The following STK24 variants were observed in gnomAD, a reference collection of about 807,000 sequenced individuals.
STK24 encodes the protein serine/threonine kinase 24.
In STK24, 21 loss-of-function variants were observed where a neutral mutation model predicts 55.6. The observed-to-expected ratio is 0.38, with a 90% CI of 0.27 to 0.54. The LOEUF is 0.54. STK24 is among the 20% of genes least tolerant of loss of function. The probability of loss-of-function intolerance (pLI) is 0.79; values close to 1 mark genes in which losing one functional copy is unlikely to be tolerated. For synonymous variants in STK24, 200 were observed against 215.2 expected, an observed-to-expected ratio of 0.93 and a Z score of 0.62; for missense variants, 383 against 538.4, an observed-to-expected ratio of 0.71 and a Z score of 2.86.
At chr13:98,569,864 A>C (rs1304828900) in intron 1 of STK24, among the ~76,000 whole-genome samples, 1 of 147,240 alleles carries the variant, frequency 6.8e-6, no homozygotes, top group Non-Finnish European at 1.5e-5. Context: ...AAAAAAAAAA[A>C]ACACAGGCAG....
rs1340027222 is a variant in STK24 at position 98,474,801 on chromosome 13, C to T, written c.597+20G>A. On this transcript the variant is annotated intron_variant, in intron 5 of 10. Transcript: ENST00000539966. ...CTCCAGGCCTCGTGAGGCACGGCGCCGCCCTCACCCTCCCCTCACCTTCGA... is the reference window on the plus strand; with the variant it reads ...CTCCAGGCCTCGTGAGGCACGGCGCTGCCCTCACCCTCCCCTCACCTTCGA... 5 of 1,597,020 alleles carry T rather than the reference C, an allele frequency of 3.1e-6. No homozygotes were observed. The highest frequency in any genetic ancestry group is 1.3e-5 in the African/African-American group (1 of 74,464).
At chr13:98,507,845 G>C (rs1895749701) in intron 2 of STK24, among the ~76,000 whole-genome samples, 1 of 152,148 alleles carries the variant, frequency 6.6e-6, no homozygotes, top group African/African-American at 2.4e-5. Flanking sequence ...ACTAGGTCTT[G>C]TCTCTAGCTT....
chr13:98,573,865 T>C (rs1897804475), intron 1 of STK24, among the ~76,000 whole-genome samples: 1 of 152,096 alleles, frequency 6.6e-6, no homozygotes, highest in African/African-American at 2.4e-5. Context: ...TGGTATAATA[T>C]CATCTACATC....
Position 98,450,678 on chromosome 13 carries a change from G to C in STK24, c.*2495C>G, listed in dbSNP as rs1893145383. On this transcript the variant is annotated 3_prime_UTR_variant, in exon 11 of 11. Coordinates refer to ENST00000539966, the MANE Select transcript of STK24 (RefSeq NM_001032296.4). ...AGGAGCAGCTCAGGGCTGGCACTGA[G>C]AGGCTACTGGTGACAGTAAACCCGT... The C allele has an allele frequency of 6.6e-6, 1 of 152,268 alleles. No individual in the cohort carries two copies. The highest frequency in any genetic ancestry group is 2.1e-4 in the South Asian group (1 of 4,834). The allele number at this position is 152,268 out of a possible 1,614,324, so 9.4% of individuals were successfully genotyped here.
At position 98,466,484 on chromosome 13, in the gene STK24, C is replaced by T. The variant is rs1893930632; in HGVS notation, c.675G>A (p.Met225Ile). Residue 225 changes from methionine to isoleucine, a missense_variant, in exon 6 of 11, where the codon ATG becomes ATA. Physicochemically the swap from Met to Ile is conservative, Grantham distance 10 (BLOSUM62 1). Coordinates refer to ENST00000539966, the MANE Select transcript of STK24 (RefSeq NM_001032296.4). The part of the protein sequence containing the change: ...GEPPHSELHP[M>I]KVLFLIPKNN... The stretch of plus-strand genomic sequence containing the variant: ...TCTTTGGAATGAGGAATAAAACTTT[C>T]ATGGGGTGCAGCTCGGAATGAGGTG... 3.1e-6 allele frequency: 5 copies of T among 1,614,010 alleles called. No individual in the cohort carries two copies. The African/African-American group carries it at 5.3e-5, about 17-fold the overall frequency.
intron 2 of STK24, among the ~76,000 whole-genome samples, chr13:98,491,217 G>A (rs1211423190): frequency 2.6e-5 from 4 of 152,226 alleles, no homozygotes; most frequent in Non-Finnish European, 5.9e-5. Flanking sequence ...TGCGAGCAAT[G>A]CCTTCTCTGC....
rs1180571829 is a variant in STK24 at position 98,460,891 on chromosome 13, G to A, written c.1054-451C>T. 5.4e-5 allele frequency among the ~76,000 whole-genome samples: 8 copies of A among 148,386 alleles called. No homozygotes were observed. The East Asian group carries it at 1.2e-3, about 22-fold the overall frequency. ...CATGTTTCTATTAAAAAAAAAAAAA[G>A]TTTTAAATAAACTGGGCGTGATGTC... On this transcript the variant is annotated intron_variant, in intron 8 of 10. Transcript: ENST00000539966.
At chr13:98,545,582 C>A (rs1422003604) in intron 1 of STK24, among the ~76,000 whole-genome samples, 1 of 147,836 alleles carries the variant, frequency 6.8e-6, no homozygotes, top group Non-Finnish European at 1.5e-5. Context: ...TGCAGTGAGC[C>A]GAGATTACGC....
intron 6 of STK24, among the ~76,000 whole-genome samples, chr13:98,464,082 A>G (rs563055041): frequency 6.6e-6 from 1 of 152,162 alleles, no homozygotes; most frequent in Non-Finnish European, 1.5e-5. Context: ...ACATTTTCAC[A>G]GAAAACTCTG....
chr13:98,514,300 C>T (rs904036770), intron 2 of STK24, among the ~76,000 whole-genome samples: 5 of 152,290 alleles, frequency 3.3e-5, no homozygotes, highest in Admixed American at 6.5e-5. Flanking sequence ...TACTCTTTTC[C>T]CCAAGGATAA....
chr13:98,510,765 T>G (rs967651127), intron 2 of STK24, among the ~76,000 whole-genome samples: 5 of 152,196 alleles, frequency 3.3e-5, no homozygotes, highest in African/African-American at 1.2e-4. Context: ...AAATGGGAAG[T>G]GAATGATGAT....
chr13:98,546,246 T>G lies in STK24; in HGVS notation c.43-26773A>C, dbSNP rs1046794701. 5.3e-5 allele frequency among the ~76,000 whole-genome samples: 8 copies of G among 152,310 alleles called. No individual in the cohort carries two copies. In the East Asian group the frequency reaches 1.5e-3, roughly 29 times the overall value. On this transcript the variant is annotated intron_variant, in intron 1 of 10. Transcript: ENST00000539966. The stretch of plus-strand genomic sequence containing the variant: ...GTGAAAGGGCCACTAGCACACAGCA[T>G]GGCACCTTATCCCAAAGGCAGTGCT...
At position 98,456,922 on chromosome 13, in the gene STK24, T is replaced by C. The variant is rs558845858; in HGVS notation, c.1259+246A>G. Reference sequence around the variant, plus strand: ...GTATTTCACCACCACCCTGTATTTATGTGGCAAAAGCTACAAATGCACTAA... The same window carrying C: ...GTATTTCACCACCACCCTGTATTTACGTGGCAAAAGCTACAAATGCACTAA... On this transcript the variant is annotated intron_variant, in intron 10 of 10. Coordinates refer to ENST00000539966, the MANE Select transcript of STK24 (RefSeq NM_001032296.4). 387 of 571,332 alleles carry C rather than the reference T, an allele frequency of 6.8e-4. No individual in the cohort carries two copies. Among genetic ancestry groups the C allele is most frequent in the Non-Finnish European group, 1.0e-3 (330 of 325,470 alleles). 35.4% of individuals were successfully genotyped at this position (571,332 alleles called of 1,614,324 possible).
At chr13:98,471,455 G>T (rs1894142055) in intron 5 of STK24, among the ~76,000 whole-genome samples, 1 of 152,240 alleles carries the variant, frequency 6.6e-6, no homozygotes, top group Non-Finnish European at 1.5e-5. Flanking sequence ...CTTCTTCGCA[G>T]TGAGCAGAGG....
intron 1 of STK24, among the ~76,000 whole-genome samples, chr13:98,525,642 T>C (rs529107359): frequency 1.3e-5 from 2 of 152,190 alleles, no homozygotes; most frequent in Non-Finnish European, 2.9e-5. Flanking sequence ...GGCTTCTCTA[T>C]GACCAAGGGA....
Position 98,446,598 on chromosome 13 carries a change from G to A in STK24, c.*6575C>T. 1 of 1,532,470 alleles carries A rather than the reference G, an allele frequency of 6.5e-7. No individual in the cohort carries two copies. The highest frequency in any genetic ancestry group is 9.0e-7 in the Non-Finnish European group (1 of 1,113,530). 94.9% of individuals were successfully genotyped at this position (1,532,470 alleles called of 1,614,324 possible). ...GCTCCCAAGTCCCTGTCTGATGCGG[G>A]GCAGCAGCCAGGCCCAGCAGCAGAA... On this transcript the variant is annotated 3_prime_UTR_variant, in exon 11 of 11. Coordinates refer to ENST00000539966, the MANE Select transcript of STK24 (RefSeq NM_001032296.4).
In STK24 at chr13:98,448,519, G is replaced by C. The variant is rs1893006334; in HGVS notation, c.*4654C>G. 2 of 575,354 alleles carry C rather than the reference G, an allele frequency of 3.5e-6. No homozygotes were observed. The highest frequency in any genetic ancestry group is 5.9e-5 in the East Asian group (2 of 34,072). The allele number at this position is 575,354 out of a possible 1,614,324, so 35.6% of individuals were successfully genotyped here. On this transcript the variant is annotated 3_prime_UTR_variant, in exon 11 of 11. Coordinates refer to ENST00000539966, the MANE Select transcript of STK24 (RefSeq NM_001032296.4). ...AACAGCGCTCCCACCTCCAGTCCTGGCATCCGCTGGGGGCGCTGTTCTTTA... is the reference window on the plus strand; with the variant it reads ...AACAGCGCTCCCACCTCCAGTCCTGCCATCCGCTGGGGGCGCTGTTCTTTA...
intron 8 of STK24, among the ~76,000 whole-genome samples, chr13:98,460,688 G>A (rs1249063669): frequency 6.6e-6 from 1 of 152,116 alleles, no homozygotes; most frequent in Non-Finnish European, 1.5e-5. Context: ...GGTTCCATGT[G>A]GAAGGGGACT....
At chr13:98,511,804 T>TG (rs34092361) in intron 2 of STK24, among the ~76,000 whole-genome samples, 38,855 of 152,104 alleles carry the variant, frequency 0.26, 5,153 homozygotes, top group Non-Finnish European at 0.3. Flanking sequence ...TTTGGAACGT[T>TG]GGCATTGTTC....
Sources: gnomAD v4.1 joint callset for allele counts (sites outside exome capture counted in the v4.1 genomes callset) on GRCh38, gnomAD v4.1.1 for gene constraint, MANE v1.5 for transcripts, NCBI Gene and HGNC (gene_info 2026-07-23, HGNC 2026-07-21) for gene names.